The following WEE2 variants were observed in gnomAD, a reference collection of about 807,000 sequenced individuals.
The protein encoded by WEE2 is wee1-like protein kinase 2.
A neutral mutation model predicts 60.1 loss-of-function variants in WEE2; 50 were observed. The ratio of observed to expected loss-of-function variants is 0.83; its 90% CI spans 0.66 to 1.05. The LOEUF (loss-of-function observed/expected upper bound fraction) is 1.05, where lower values mean the gene tolerates loss of function less well. WEE2 is among the 50% of genes least tolerant of loss of function. The probability of loss-of-function intolerance (pLI) is 0.00; values close to 1 mark genes in which losing one functional copy is unlikely to be tolerated. For missense variants in WEE2, 631 were observed against 684.3 expected (o/e 0.92, Z 0.87); for synonymous variants, 240 against 241.0 (o/e 1.00, Z 0.04).
rs764084882 is a variant in WEE2, at chr7:141,720,966, G to T, written c.790G>T (p.Ala264Ser). 7 of 1,614,016 alleles carry T rather than the reference G, an allele frequency of 4.3e-6. No homozygotes were observed. Among genetic ancestry groups the T allele is most frequent in the Non-Finnish European group, 5.1e-6 (6 of 1,179,936 alleles). ...GGCTTTGCATGAAGTTTATGCTCACGCAGTGCTTGGGCATCACCCCCATGT... is the reference window on the plus strand; with the variant it reads ...GGCTTTGCATGAAGTTTATGCTCACTCAGTGCTTGGGCATCACCCCCATGT... Reference protein sequence around the residue: ...NSALHEVYAHAVLGHHPHVVR... With the variant: ...NSALHEVYAHSVLGHHPHVVR... The change falls in exon 5 of 12, where the codon GCA becomes TCA. Residue 264 changes from alanine to serine, a missense_variant. By Grantham distance (99) the Ala-to-Ser change is moderately conservative. Transcript: ENST00000397541.
chr7:141,725,632 A>G (rs1289918216), intron 9 of WEE2, among the ~76,000 whole-genome samples: 1 of 151,994 alleles, frequency 6.6e-6, no homozygotes, highest in Non-Finnish European at 1.5e-5. Flanking sequence ...CTCAAAAAAA[A>G]AAAAAAAAAA....
rs1267992548 is a variant in WEE2 at position 141,711,313 on chromosome 7, C to T, written c.342+2213C>T. Among the ~76,000 whole-genome samples, 1 of 151,956 alleles carries T rather than the reference C, an allele frequency of 6.6e-6. No individual in the cohort carries two copies. The highest frequency in any genetic ancestry group is 1.5e-5 in the Non-Finnish European group (1 of 67,996). On this transcript the variant is annotated intron_variant, in intron 1 of 11. Transcript: ENST00000397541. This position sits in a 1 kb window ranked among gnomAD's most constrained non-coding sequence, Gnocchi z 4.2. ...GTGCCAGAGTAAGGAGAGAAGTGGCCCAGTTAGAAATCTTGGATAATGCAT... is the reference window on the plus strand; with the variant it reads ...GTGCCAGAGTAAGGAGAGAAGTGGCTCAGTTAGAAATCTTGGATAATGCAT...
chr7:141,714,293 C>T lies in WEE2; in HGVS notation c.427C>T (p.Leu143Phe). Reference sequence around the variant, plus strand: ...GCATTTGAAGCTCACACCTGCTCCCCTCAAGGATGAGATGACCTCATTGGC... The same window carrying T: ...GCATTTGAAGCTCACACCTGCTCCCTTCAAGGATGAGATGACCTCATTGGC... ...PKHLKLTPAP[L>F]KDEMTSLALV... The change falls in exon 2 of 12, where the codon CTC (leucine) becomes TTC (phenylalanine). Residue 143 changes from leucine to phenylalanine, a missense_variant. Leu to Phe is a conservative substitution (Grantham distance 22). Transcript: ENST00000397541. 1.2e-6 allele frequency: 2 copies of T among 1,613,940 alleles called. No individual in the cohort carries two copies. Among genetic ancestry groups the T allele is most frequent in the Non-Finnish European group, 1.7e-6 (2 of 1,179,880 alleles).
rs531873227 is a variant in WEE2, at chr7:141,724,575, C to A, written c.1221+300C>A. Among the ~76,000 whole-genome samples the A allele has an allele frequency of 2.6e-5, 4 of 152,326 alleles. No individual in the cohort carries two copies. In the East Asian group the frequency reaches 7.7e-4, roughly 29 times the overall value. On this transcript the variant is annotated intron_variant, in intron 8 of 11. Coordinates refer to ENST00000397541, the MANE Select transcript of WEE2 (RefSeq NM_001105558.1). Reference sequence around the variant, plus strand: ...CTAAGAAGGAAGCCTTTTCCTCAAGCCCACATTGGTCCAATCAATCTATCA... The same window carrying A: ...CTAAGAAGGAAGCCTTTTCCTCAAGACCACATTGGTCCAATCAATCTATCA...
At chr7:141,712,568 T>G (rs1798725083) in intron 1 of WEE2, among the ~76,000 whole-genome samples, 1 of 152,226 alleles carries the variant, frequency 6.6e-6, no homozygotes, top group Admixed American at 6.5e-5. Flanking sequence ...AATTCTATTA[T>G]TCCAGCAATA....
At chr7:141,720,757 T>C (rs958736305) in intron 4 of WEE2, 178 bp from the exon 5 acceptor site, 4 of 738,176 alleles carry the variant, frequency 5.4e-6, no homozygotes, top group Non-Finnish European at 8.5e-6. Context: ...GCCTTCATTG[T>C]TTCCACTGTA....
At chr7:141,729,194 T>C (rs1156394713) in intron 10 of WEE2, among the ~76,000 whole-genome samples, 1 of 152,212 alleles carries the variant, frequency 6.6e-6, no homozygotes, top group Non-Finnish European at 1.5e-5. Context: ...ATACAGGTGA[T>C]AGGCCAGATT....
At chr7:141,716,638 G>T (rs964783593) in intron 3 of WEE2, among the ~76,000 whole-genome samples, 2 of 151,936 alleles carry the variant, frequency 1.3e-5, no homozygotes. Flanking sequence ...TTGTAACTCT[G>T]CCAGGCAGTG....
In WEE2 at chr7:141,719,194, T is replaced by C; in HGVS notation, c.708T>C (p.Cys236=). ...VYKCIKRLDG[C]VYAIKRSMKT... ...AGTGCATTAAGAGGCTGGATGGATG[T>C]GTTTATGCAATAAAGCGCTCTATGA... The change falls in exon 4 of 12, where the codon TGT becomes TGC. Residue 236 remains cysteine, a synonymous_variant. Coordinates refer to ENST00000397541, the MANE Select transcript of WEE2 (RefSeq NM_001105558.1). 6.2e-7 allele frequency: 1 copy of C among 1,613,816 alleles called. No homozygotes were observed. Among genetic ancestry groups the C allele is most frequent in the Non-Finnish European group, 8.5e-7 (1 of 1,179,826 alleles).
At position 141,724,179 on chromosome 7, in the gene WEE2, C is replaced by CT. The variant is rs771728907; in HGVS notation, c.1136-3dup. On this transcript the variant is annotated splice_polypyrimidine_tract_variant and intron_variant, in intron 7 of 11. Coordinates refer to ENST00000397541, the MANE Select transcript of WEE2 (RefSeq NM_001105558.1). Reference sequence around the variant, plus strand: ...TCGATTTTATTCTTTTTTCCTTTTTCTTTTTTTTAGGTGACCTGGGCCACG... The same window carrying CT: ...TCGATTTTATTCTTTTTTCCTTTTTCTTTTTTTTTAGGTGACCTGGGCCACG... 51 of 1,592,532 alleles carry CT rather than the reference C, an allele frequency of 3.2e-5. No individual in the cohort carries two copies. The highest frequency in any genetic ancestry group is 7.4e-5 in the Admixed American group (4 of 54,114).
chr7:141,721,880 AC>A (rs1798918047), intron 5 of WEE2, among the ~76,000 whole-genome samples: 1 of 152,234 alleles, frequency 6.6e-6, no homozygotes, highest in African/African-American at 2.4e-5. Context: ...AAAAAACTTT[AC>A]TGTAGCCCTC....
In WEE2 at chr7:141,719,249, G is replaced by A; in HGVS notation, c.758+5G>A. 1 of 1,595,450 alleles carries A rather than the reference G, an allele frequency of 6.3e-7. No homozygotes were observed. Among genetic ancestry groups the A allele is most frequent in the Non-Finnish European group, 8.5e-7 (1 of 1,172,112 alleles). The stretch of plus-strand genomic sequence containing the variant: ...TTTTACAGAATTATCAAATGAGTGA[G>A]TACCTTTGAAATGCACTAAAAATAT... On this transcript the variant is annotated splice_donor_5th_base_variant and intron_variant, in intron 4 of 11. Coordinates refer to ENST00000397541, the MANE Select transcript of WEE2 (RefSeq NM_001105558.1).
Position 141,720,949 on chromosome 7 carries a change from A to G in WEE2, c.773A>G (p.His258Arg), listed in dbSNP as rs775747474. ...CTGTCTCATAGGAATTCGGCTTTGC[A>G]TGAAGTTTATGCTCACGCAGTGCTT... ...TELSNENSALHEVYAHAVLGH... is the reference protein window; with the variant it reads ...TELSNENSALREVYAHAVLGH... The change falls in exon 5 of 12, where the codon CAT (histidine) becomes CGT (arginine). Residue 258 changes from histidine to arginine, a missense_variant. By Grantham distance (29) the His-to-Arg change is conservative (BLOSUM62 0). Transcript: ENST00000397541. The G allele has an allele frequency of 4.3e-6, 7 of 1,612,790 alleles. No individual in the cohort carries two copies. In the South Asian group the frequency reaches 6.6e-5, roughly 15 times the overall value.
chr7:141,730,241 T>A, intron 11 of WEE2, 54 bp from the exon 12 acceptor site: 1 of 1,576,744 alleles, frequency 6.3e-7, no homozygotes, highest in South Asian at 1.1e-5. Flanking sequence ...TATTGTTATA[T>A]TCCTAATGCC....
In WEE2 at chr7:141,708,948, C is replaced by G; in HGVS notation, c.190C>G (p.His64Asp). 6.2e-7 allele frequency: 1 copy of G among 1,614,148 alleles called. No individual in the cohort carries two copies. The highest frequency in any genetic ancestry group is 8.5e-7 in the Non-Finnish European group (1 of 1,180,016). Residue 64 changes from histidine (H) to aspartate (D), a missense_variant, in exon 1 of 12, where the codon CAT becomes GAT. His to Asp is a moderately conservative substitution (Grantham distance 81). Transcript: ENST00000397541. ...TPPWTPLSNVHELDTSSEKDK... is the reference protein window; with the variant it reads ...TPPWTPLSNVDELDTSSEKDK... Reference sequence around the variant, plus strand: ...ACCTTGGACTCCCCTTAGCAACGTGCATGAGCTCGACACATCTTCGGAAAA... The same window carrying G: ...ACCTTGGACTCCCCTTAGCAACGTGGATGAGCTCGACACATCTTCGGAAAA...
At chr7:141,729,804 C>T (rs888510711) in intron 11 of WEE2, 131 bp downstream of exon 11, 73 of 1,043,036 alleles carry the variant, frequency 7.0e-5, no homozygotes, top group African/African-American at 3.6e-4. Flanking sequence ...CTGGCTAACA[C>T]GGTGAAACCC....
chr7:141,718,780 C>T (rs1256408964), intron 3 of WEE2, among the ~76,000 whole-genome samples: 13 of 151,972 alleles, frequency 8.6e-5, no homozygotes, highest in African/African-American at 2.9e-4. Flanking sequence ...GTTGTGTCCC[C>T]TTAGGAACAT....
At chr7:141,713,762 A>C (rs1373589905) in intron 1 of WEE2, among the ~76,000 whole-genome samples, 1 of 152,230 alleles carries the variant, frequency 6.6e-6, no homozygotes, top group African/African-American at 2.4e-5. Context: ...CTTCTGTACC[A>C]CTTGGCATCT....
In WEE2 at chr7:141,708,656, G is replaced by A. The variant is rs533625257; in HGVS notation, c.-103G>A. 23 of 1,042,982 alleles carry A rather than the reference G, an allele frequency of 2.2e-5. No homozygotes were observed. Among genetic ancestry groups the A allele is most frequent in the Admixed American group, 9.2e-5 (4 of 43,490 alleles). The allele number at this position is 1,042,982 out of a possible 1,614,324, so 64.6% of individuals were successfully genotyped here. Reference sequence around the variant, plus strand: ...AGAGGGAAATTCAGGCTACCGTCGCGAAACCTGCAGGTTAAGTTATTTTCT... The same window carrying A: ...AGAGGGAAATTCAGGCTACCGTCGCAAAACCTGCAGGTTAAGTTATTTTCT... On this transcript the variant is annotated 5_prime_UTR_variant, in exon 1 of 12. Coordinates refer to ENST00000397541, the MANE Select transcript of WEE2 (RefSeq NM_001105558.1).
Sources: allele counts gnomAD v4.1 joint callset (sites outside exome capture counted in the v4.1 genomes callset), GRCh38; gene constraint gnomAD v4.1.1; non-coding constraint Gnocchi (gnomAD v3.1); transcripts MANE v1.5; gene names NCBI Gene and HGNC (gene_info 2026-07-23, HGNC 2026-07-21).